The following HPGDS variants were observed in gnomAD, a reference collection of about 807,000 sequenced individuals.
HPGDS encodes the protein hematopoietic prostaglandin D synthase.
Under a neutral mutation model 23.1 loss-of-function variants are expected in HPGDS, and 26 were observed. The ratio of observed to expected loss-of-function variants is 1.13; its 90% CI spans 0.83 to 1.56. The LOEUF is 1.56. Ranked by LOEUF, HPGDS falls within the 40% of genes most tolerant of loss-of-function variation. The pLI is 0.00. For missense variants in HPGDS, 268 were observed against 236.4 expected (o/e 1.13, Z -0.88); for synonymous variants, 95 against 77.9 (o/e 1.22, Z -1.16).
intron 1 of HPGDS, 59 bp downstream of exon 1, chr4:94,342,736 A>T (rs1005162674): frequency 1.3e-5 from 2 of 152,194 alleles, no homozygotes; most frequent in Non-Finnish European, 2.9e-5. Context: ...AAAACTCTGA[A>T]GTAAAGAGTA....
intron 2 of HPGDS, among the ~76,000 whole-genome samples, chr4:94,327,403 G>A (rs1324651255): frequency 2.6e-5 from 4 of 152,110 alleles, no homozygotes; most frequent in Non-Finnish European, 4.4e-5. Flanking sequence ...GGCAGGGCAC[G>A]TTGATCCCCA....
chr4:94,312,571 C>T (rs1163083328), intron 3 of HPGDS, among the ~76,000 whole-genome samples: 8 of 152,044 alleles, frequency 5.3e-5, no homozygotes, highest in African/African-American at 1.7e-4. Context: ...ATGTGGTCAA[C>T]TTTGGAGTAA....
Position 94,299,355 on chromosome 4 carries a change from TA to T in HPGDS, c.*124del. The T allele has an allele frequency of 1.3e-6, 1 of 793,074 alleles. No homozygotes were observed. Among genetic ancestry groups the T allele is most frequent in the Non-Finnish European group, 1.9e-6 (1 of 521,184 alleles). 49.1% of individuals were successfully genotyped at this position (793,074 alleles called of 1,614,324 possible). ...TCCTTTTTAAAAATCAGAATATGGCTAAAGTGAAAATCTTAGTGGAGCTGGG... is the reference window on the plus strand; with the variant it reads ...TCCTTTTTAAAAATCAGAATATGGCTAAGTGAAAATCTTAGTGGAGCTGGG... On this transcript the variant is annotated 3_prime_UTR_variant, in exon 6 of 6. Coordinates refer to ENST00000295256, the MANE Select transcript of HPGDS (RefSeq NM_014485.3).
chr4:94,340,311 C>CTTTTCTTTTTTTTTTT (rs1721126934), intron 1 of HPGDS, among the ~76,000 whole-genome samples: 4 of 23,686 alleles, frequency 1.7e-4, no homozygotes, highest in Non-Finnish European at 3.5e-4. Flanking sequence ...CTTTCTTTCT[C>CTTTTCTTTTTTTTTTT]TTTTTTTTTT....
intron 5 of HPGDS, among the ~76,000 whole-genome samples, chr4:94,301,259 A>G (rs1756035224): frequency 6.6e-6 from 1 of 152,198 alleles, no homozygotes; most frequent in African/African-American, 2.4e-5. Flanking sequence ...ACCTCCACCT[A>G]CCACAACTTG....
chr4:94,314,525 C>A (rs1245989130), intron 3 of HPGDS, among the ~76,000 whole-genome samples: 1 of 152,142 alleles, frequency 6.6e-6, no homozygotes, highest in Non-Finnish European at 1.5e-5. Context: ...GGTACCCGGC[C>A]ATGTAAGGTA....
At position 94,317,982 on chromosome 4, in the gene HPGDS, C is replaced by T; in HGVS notation, c.134-17G>A. ...ATGGGAGAGCTTAAAATGAAATGAG[C>T]AAATAATTAACTTCATAACAAAACC... On this transcript the variant is annotated splice_polypyrimidine_tract_variant and intron_variant, in intron 2 of 5. Transcript: ENST00000295256. 6.9e-7 allele frequency: 1 copy of T among 1,449,224 alleles called. No homozygotes were observed. Among genetic ancestry groups the T allele is most frequent in the East Asian group, 2.3e-5 (1 of 43,792 alleles). The allele number at this position is 1,449,224 out of a possible 1,614,324, so 89.8% of individuals were successfully genotyped here. A position where few individuals can be genotyped will look rare whatever the true frequency, so the allele number is the denominator to read the frequency against.
At chr4:94,323,129 A>G (rs1756551760) in intron 2 of HPGDS, among the ~76,000 whole-genome samples, 1 of 152,128 alleles carries the variant, frequency 6.6e-6, no homozygotes, top group South Asian at 2.1e-4. Flanking sequence ...TCTGAGAGAC[A>G]GTTTGTTGTG....
intron 4 of HPGDS, among the ~76,000 whole-genome samples, chr4:94,306,868 A>C (rs1345581711): frequency 1.3e-5 from 2 of 152,066 alleles, no homozygotes; most frequent in Admixed American, 1.3e-4. Context: ...AAGGGGGAGG[A>C]AATCATTAAT....
At chr4:94,303,301 G>A (rs998475569) in intron 4 of HPGDS, among the ~76,000 whole-genome samples, 21 of 152,220 alleles carry the variant, frequency 1.4e-4, no homozygotes, top group African/African-American at 4.8e-4. Context: ...TTTTGAGCAT[G>A]CGCATGATGC....
intron 2 of HPGDS, among the ~76,000 whole-genome samples, chr4:94,332,956 T>A (rs1315465551): frequency 1.3e-5 from 2 of 152,234 alleles, no homozygotes; most frequent in South Asian, 2.1e-4. Flanking sequence ...GGCCCTTTTT[T>A]AAAGTACTTC....
At position 94,321,578 on chromosome 4, in the gene HPGDS, G is replaced by A. The variant is rs556172035; in HGVS notation, c.134-3613C>T. 3.0e-3 allele frequency among the ~76,000 whole-genome samples: 455 copies of A among 152,288 alleles called. 3 individuals carry two copies. Among genetic ancestry groups the A allele is most frequent in the South Asian group, 8.3e-3 (40 of 4,822 alleles). ...GGCTCTCTGTTTGTCTGTTATTGGT[G>A]TATAGCAATGCTTGTGATTTTTGTA... On this transcript the variant is annotated intron_variant, in intron 2 of 5. Transcript: ENST00000295256.
At chr4:94,326,952 TATG>T (rs1756641554) in intron 2 of HPGDS, among the ~76,000 whole-genome samples, 1 of 152,124 alleles carries the variant, frequency 6.6e-6, no homozygotes, top group African/African-American at 2.4e-5. Flanking sequence ...GTAGTCTTCA[TATG>T]ATTTCTTCAG....
At chr4:94,336,238 A>G (rs1721009292) in intron 1 of HPGDS, among the ~76,000 whole-genome samples, 2 of 151,520 alleles carry the variant, frequency 1.3e-5, no homozygotes. Flanking sequence ...AAGAAATCAC[A>G]CCACATAAAA....
chr4:94,308,729 T>C lies in HPGDS; in HGVS notation c.241A>G (p.Thr81Ala), dbSNP rs1756191908. The stretch of plus-strand genomic sequence containing the variant: ...TCAACATGACATTGTTCCATTTCTG[T>C]GTTTCCAGCCAAATCTGTGGAATAG... ...LTKNTDLAGNTEMEQCHVDAI... is the reference protein window; with the variant it reads ...LTKNTDLAGNAEMEQCHVDAI... The change falls in exon 4 of 6, where the codon ACA becomes GCA. Residue 81 changes from threonine to alanine, a missense_variant. By Grantham distance (58) the Thr-to-Ala change is moderately conservative. Transcript: ENST00000295256. 1 of 1,591,096 alleles carries C rather than the reference T, an allele frequency of 6.3e-7. No individual in the cohort carries two copies. The highest frequency in any genetic ancestry group is 8.6e-7 in the Non-Finnish European group (1 of 1,161,040).
intron 1 of HPGDS, among the ~76,000 whole-genome samples, chr4:94,340,311 C>CTTTCTTTCTTTTTCTTTTCTTTTTTTTTT: frequency 1.3e-4 from 3 of 23,678 alleles, no homozygotes; most frequent in Non-Finnish European, 2.6e-4. Flanking sequence ...CTTTCTTTCT[C>CTTTCTTTCTTTTTCTTTTCTTTTTTTTTT]TTTTTTTTTT....
intron 1 of HPGDS, among the ~76,000 whole-genome samples, chr4:94,338,260 C>CA (rs921245450): frequency 3.3e-5 from 5 of 152,036 alleles, no homozygotes; most frequent in Middle Eastern, 3.4e-3. Context: ...CCCGTCTCTA[C>CA]AAAAAAATAT....
chr4:94,308,364 C>G (rs373935537), intron 4 of HPGDS, among the ~76,000 whole-genome samples: 1 of 152,074 alleles, frequency 6.6e-6, no homozygotes, highest in East Asian at 1.9e-4. Flanking sequence ...CAGAGGAAGT[C>G]ATATTTATTT....
At chr4:94,341,950 G>T (rs1400838779) in intron 1 of HPGDS, among the ~76,000 whole-genome samples, 1 of 152,128 alleles carries the variant, frequency 6.6e-6, no homozygotes, top group East Asian at 1.9e-4. Context: ...ACATTTGATG[G>T]TAAAGAATGT....
Sources: gnomAD v4.1 joint callset for allele counts (sites outside exome capture counted in the v4.1 genomes callset) on GRCh38, gnomAD v4.1.1 for gene constraint, MANE v1.5 for transcripts, NCBI Gene and HGNC (gene_info 2026-07-23, HGNC 2026-07-21) for gene names.